Variants in CSMD1 observed in about 807,000 individuals in gnomAD.
CSMD1 encodes the protein CUB and sushi domain-containing protein 1.
In CSMD1, 213 loss-of-function variants were observed where a neutral mutation model predicts 417.5. That is an observed-to-expected ratio of 0.51 (90% CI 0.46 to 0.57). The LOEUF (loss-of-function observed/expected upper bound fraction) is 0.57. Ranked by LOEUF, CSMD1 falls within the 20% of genes least tolerant of loss-of-function variation. The pLI, the probability that CSMD1 is intolerant of heterozygous loss-of-function variation, is 0.00. For missense variants in CSMD1, 6,923 were observed against 4,529.7 expected (o/e 1.53, Z -15.17); for synonymous variants, 2,862 against 1,736.8 (o/e 1.65, Z -16.11).
chr8:4,375,658 G>A (rs902973810), intron 3 of CSMD1, among the ~76,000 whole-genome samples: 2 of 152,140 alleles, frequency 1.3e-5, no homozygotes, highest in African/African-American at 2.4e-5. Flanking sequence ...CTGGTGGAAG[G>A]ATAAGGGAGG....
At chr8:4,214,255 A>G (rs923827635) in intron 3 of CSMD1, among the ~76,000 whole-genome samples, 4 of 152,324 alleles carry the variant, frequency 2.6e-5, no homozygotes, top group Middle Eastern at 6.8e-3. Flanking sequence ...AATGTTTGAG[A>G]CTTTTACAAG....
In CSMD1 at chr8:4,087,158, A is replaced by C. The variant is rs933189483; in HGVS notation, c.416-55059T>G. The stretch of plus-strand genomic sequence containing the variant: ...GGTTGCGGAAATGGAACAAAGACCC[A>C]CTCTTCTCACCTCCTTTCAGGGCAT... On this transcript the variant is annotated intron_variant, in intron 3 of 69. Coordinates refer to ENST00000635120, the MANE Select transcript of CSMD1 (RefSeq NM_033225.6). Among the ~76,000 whole-genome samples the C allele has an allele frequency of 2.6e-5, 4 of 152,102 alleles. No homozygotes were observed. The East Asian group carries it at 7.7e-4, about 29-fold the overall frequency.
At chr8:3,705,483 C>T (rs778997213) in intron 7 of CSMD1, among the ~76,000 whole-genome samples, 6 of 152,200 alleles carry the variant, frequency 3.9e-5, no homozygotes, top group Non-Finnish European at 7.3e-5. Context: ...CTACAGTGAA[C>T]AGATAATTCC....
chr8:3,424,849 A>G (rs945228787), intron 12 of CSMD1, among the ~76,000 whole-genome samples: 6 of 152,106 alleles, frequency 3.9e-5, no homozygotes, highest in Non-Finnish European at 8.8e-5. Context: ...TTTAAATATT[A>G]TTTTATTTGA....
chr8:3,325,907 A>T (rs1319702715), intron 23 of CSMD1, among the ~76,000 whole-genome samples: 5 of 152,246 alleles, frequency 3.3e-5, no homozygotes, highest in African/African-American at 1.2e-4. Context: ...ATCATCACAA[A>T]ATATAAAGAA....
intron 5 of CSMD1, among the ~76,000 whole-genome samples, chr8:3,806,401 G>C (rs938334066): frequency 1.3e-5 from 2 of 152,184 alleles, no homozygotes; most frequent in Admixed American, 1.3e-4. Context: ...ACAAAAGCGT[G>C]TGTGAAGCCC....
At chr8:4,792,207 A>G (rs1404695981) in intron 1 of CSMD1, among the ~76,000 whole-genome samples, 1 of 152,168 alleles carries the variant, frequency 6.6e-6, no homozygotes, top group Non-Finnish European at 1.5e-5. Context: ...AATTAGCCAG[A>G]CACAAAAGTA....
intron 5 of CSMD1, among the ~76,000 whole-genome samples, chr8:3,899,851 G>A (rs914011657): frequency 1.3e-5 from 2 of 152,200 alleles, no homozygotes; most frequent in East Asian, 1.9e-4. Flanking sequence ...TCCTGAAAAT[G>A]TCCATTTCTT....
At chr8:4,396,560 G>T (rs114832935) in intron 3 of CSMD1, among the ~76,000 whole-genome samples, 1 of 151,746 alleles carries the variant, frequency 6.6e-6, no homozygotes, top group Non-Finnish European at 1.5e-5. Flanking sequence ...AGCAAAATTC[G>T]CAACTGCAAC....
rs1375754940 is a variant in CSMD1, at chr8:3,552,698, G to C, written c.1344+22247C>G. Among the ~76,000 whole-genome samples the C allele has an allele frequency of 3.3e-5, 5 of 152,276 alleles. No individual in the cohort carries two copies. In the East Asian group the frequency reaches 7.7e-4, roughly 23 times the overall value. On this transcript the variant is annotated intron_variant, in intron 10 of 69. Coordinates refer to ENST00000635120, the MANE Select transcript of CSMD1 (RefSeq NM_033225.6). The stretch of plus-strand genomic sequence containing the variant: ...TTGTTCATATACTCCATTTGGGTCT[G>C]AAGTTTTAGACTACGAAATTATCTA...
chr8:4,021,813 G>T (rs1178696855), intron 4 of CSMD1, among the ~76,000 whole-genome samples: 1 of 151,974 alleles, frequency 6.6e-6, no homozygotes, highest in Non-Finnish European at 1.5e-5. Context: ...CTAAATTAAA[G>T]AAACTAAAGA....
At chr8:4,675,324 T>C (rs1805605107) in intron 1 of CSMD1, among the ~76,000 whole-genome samples, 1 of 152,192 alleles carries the variant, frequency 6.6e-6, no homozygotes, top group Non-Finnish European at 1.5e-5. Context: ...TCAAAAGTTA[T>C]TTGTAAAATA....
At chr8:4,496,727 G>C (rs1056288450) in intron 2 of CSMD1, among the ~76,000 whole-genome samples, 1 of 152,106 alleles carries the variant, frequency 6.6e-6, no homozygotes, top group Non-Finnish European at 1.5e-5. Context: ...CTGAAAATGA[G>C]TAAAAAGCTA....
In CSMD1 at chr8:4,429,773, C is replaced by T. The variant is rs148463131; in HGVS notation, c.303-9708G>A. ...GCTGAGATTCTAGAAGTGCTCCACC[C>T]GTATTTGTTGAAATATACCGGCAAT... is the stretch of plus-strand genomic sequence containing the variant. On this transcript the variant is annotated intron_variant, in intron 2 of 69. Coordinates refer to ENST00000635120, the MANE Select transcript of CSMD1 (RefSeq NM_033225.6). 1.8e-3 allele frequency among the ~76,000 whole-genome samples: 281 copies of T among 152,236 alleles called. 1 individual carries two copies. Among genetic ancestry groups the T allele is most frequent in the Non-Finnish European group, 3.5e-3 (236 of 68,028 alleles).
chr8:3,920,365 G>GTGTGTT (rs889629358), intron 5 of CSMD1, among the ~76,000 whole-genome samples: 35 of 151,922 alleles, frequency 2.3e-4, no homozygotes, highest in African/African-American at 8.2e-4. Context: ...GTGTTTGTGT[G>GTGTGTT]TGTGTGTGTT....
intron 2 of CSMD1, 24 bp from the exon 3 acceptor site, chr8:4,420,089 AAG>A (rs771882217): frequency 2.0e-6 from 3 of 1,488,118 alleles, no homozygotes; most frequent in South Asian, 2.4e-5. Flanking sequence ...ACAAGACACA[AAG>A]AGAGTTAAAA....
At chr8:3,246,314 T>A (rs933223483) in intron 26 of CSMD1, among the ~76,000 whole-genome samples, 3 of 152,094 alleles carry the variant, frequency 2.0e-5, no homozygotes, top group African/African-American at 7.2e-5. Flanking sequence ...GCTACACGGT[T>A]CCCTGAAATG....
intron 3 of CSMD1, among the ~76,000 whole-genome samples, chr8:4,320,811 T>G (rs986387016): frequency 6.6e-6 from 1 of 152,158 alleles, no homozygotes; most frequent in Non-Finnish European, 1.5e-5. Context: ...GACCTACCAT[T>G]TGACCCAACA....
chr8:3,707,660 G>C (rs1335407064), intron 7 of CSMD1, among the ~76,000 whole-genome samples: 4 of 152,138 alleles, frequency 2.6e-5, no homozygotes, highest in African/African-American at 7.2e-5. Context: ...CCAGTGGAGA[G>C]CTGACTGCAC....
Sources: gnomAD v4.1 joint callset for allele counts (sites outside exome capture counted in the v4.1 genomes callset) on GRCh38, gnomAD v4.1.1 for gene constraint, MANE v1.5 for transcripts, NCBI Gene and HGNC (gene_info 2026-07-23, HGNC 2026-07-21) for gene names.